RBM6: variants seen among roughly 807,000 people sequenced by gnomAD.
RBM6 encodes the protein RNA binding motif protein 6.
In RBM6, 23 loss-of-function variants were observed where a neutral mutation model predicts 140.4. That is an observed-to-expected ratio of 0.16 (90% CI 0.12 to 0.23). RBM6 has a LOEUF of 0.23. RBM6 is among the 10% of genes least tolerant of loss of function. The probability of loss-of-function intolerance (pLI) is 1.00; values close to 1 mark genes in which losing one functional copy is unlikely to be tolerated. For synonymous variants in RBM6, 439 were observed against 475.6 expected (o/e 0.92, Z 1.00); for missense variants, 1,139 against 1,386.7 (o/e 0.82, Z 2.84).
intron 19 of RBM6, among the ~76,000 whole-genome samples, chr3:50,071,315 A>T (rs1209484830): frequency 6.6e-6 from 1 of 152,196 alleles, no homozygotes; most frequent in Non-Finnish European, 1.5e-5. Flanking sequence ...TGAAGTTTAA[A>T]CACCTTGAAC....
chr3:50,003,999 G>A (rs1176028946), intron 6 of RBM6, among the ~76,000 whole-genome samples: 1 of 152,198 alleles, frequency 6.6e-6, no homozygotes, highest in Non-Finnish European at 1.5e-5. Flanking sequence ...GTGTGCCCTT[G>A]CACTGGGACT....
chr3:49,992,555 ATC>A, intron 5 of RBM6, among the ~76,000 whole-genome samples: 1 of 152,188 alleles, frequency 6.6e-6, no homozygotes. Flanking sequence ...AGGATTTATC[ATC>A]TTTGCTGCTT....
At chr3:50,071,136 C>T (rs1323648147) in intron 19 of RBM6, among the ~76,000 whole-genome samples, 1 of 152,156 alleles carries the variant, frequency 6.6e-6, no homozygotes, top group Non-Finnish European at 1.5e-5. Flanking sequence ...AGGGCAGACA[C>T]AGAAATCAGT....
intron 6 of RBM6, among the ~76,000 whole-genome samples, chr3:50,010,316 G>C (rs764961550): frequency 2.0e-5 from 3 of 152,170 alleles, no homozygotes; most frequent in Non-Finnish European, 2.9e-5. Flanking sequence ...TATTTCCAAA[G>C]GAAAATATGT....
At chr3:50,063,595 C>CA (rs531070691) in intron 15 of RBM6, among the ~76,000 whole-genome samples, 2,232 of 87,078 alleles carry the variant, frequency 0.026, 47 homozygotes, top group African/African-American at 0.075. Context: ...AGACTTGTCT[C>CA]AAAAAAAAAA....
intron 4 of RBM6, among the ~76,000 whole-genome samples, chr3:49,975,005 ATT>A (rs60771087): frequency 9.3e-5 from 13 of 139,068 alleles, no homozygotes; most frequent in Non-Finnish European, 9.4e-5. Context: ...CTAATTAAGA[ATT>A]TTTTTTTTTT....
At chr3:50,043,250 G>A (rs1467318413) in intron 6 of RBM6, among the ~76,000 whole-genome samples, 2 of 152,054 alleles carry the variant, frequency 1.3e-5, no homozygotes, top group African/African-American at 2.4e-5. Flanking sequence ...TCGGGAGGCC[G>A]AGGCAGGCGA....
chr3:50,022,872 G>T (rs1232985384), intron 6 of RBM6, among the ~76,000 whole-genome samples: 1 of 152,082 alleles, frequency 6.6e-6, no homozygotes, highest in African/African-American at 2.4e-5. Context: ...GCTGAGGTGG[G>T]CTGATCACTT....
At chr3:50,007,260 G>A (rs960869205) in intron 6 of RBM6, among the ~76,000 whole-genome samples, 2 of 149,478 alleles carry the variant, frequency 1.3e-5, no homozygotes, top group African/African-American at 2.5e-5. Context: ...GCAGTGGTGC[G>A]ATCTCGGCTC....
At chr3:50,059,388 C>T in intron 10 of RBM6, 1 of 262,154 alleles carries the variant, frequency 3.8e-6, no homozygotes, top group Non-Finnish European at 7.2e-6. Flanking sequence ...ATAATTGCAA[C>T]CTAAAAGAAG....
intron 6 of RBM6, among the ~76,000 whole-genome samples, chr3:50,021,508 C>T (rs1228979993): frequency 2.0e-5 from 3 of 152,012 alleles, no homozygotes; most frequent in Non-Finnish European, 4.4e-5. Context: ...GGTGTGGTGG[C>T]ACACGCCTGT....
At chr3:50,032,539 T>C (rs773585938) in intron 6 of RBM6, among the ~76,000 whole-genome samples, 14 of 150,804 alleles carry the variant, frequency 9.3e-5, no homozygotes, top group Non-Finnish European at 1.9e-4. Context: ...CAAATAGACA[T>C]TGGGAGACTA....
intron 20 of RBM6, 59 bp downstream of exon 20, chr3:50,075,389 C>G: frequency 6.3e-7 from 1 of 1,590,874 alleles, no homozygotes; most frequent in Non-Finnish European, 8.6e-7. Flanking sequence ...TTAACTTTCA[C>G]TTTCTGGCCT....
intron 6 of RBM6, among the ~76,000 whole-genome samples, chr3:50,035,138 A>G (rs982810761): frequency 3.3e-5 from 5 of 151,720 alleles, no homozygotes; most frequent in Non-Finnish European, 7.4e-5. Context: ...AGCAACTTCA[A>G]TTCTTGCCTC....
At chr3:50,076,082 C>T (rs2090450498) in intron 20 of RBM6, among the ~76,000 whole-genome samples, 1 of 151,866 alleles carries the variant, frequency 6.6e-6, no homozygotes, top group African/African-American at 2.4e-5. Flanking sequence ...AATTCTCCCA[C>T]CCCAACCTCC....
rs1355406968 is a variant in RBM6 at position 50,066,523 on chromosome 3, G to T, written c.2943+21G>T. On this transcript the variant is annotated intron_variant, in intron 17 of 20. Coordinates refer to ENST00000266022, the MANE Select transcript of RBM6 (RefSeq NM_005777.3). Reference sequence around the variant, plus strand: ...ACAAGGTATTAGGGGAAGGAGCTATGCCCTTTCAAACTGTTGACTCTTGGC... The same window carrying T: ...ACAAGGTATTAGGGGAAGGAGCTATTCCCTTTCAAACTGTTGACTCTTGGC... The T allele has an allele frequency of 2.5e-6, 4 of 1,605,094 alleles. No individual in the cohort carries two copies. The African/African-American group carries it at 5.3e-5, about 21-fold the overall frequency.
intron 15 of RBM6, among the ~76,000 whole-genome samples, chr3:50,062,560 TCACCTCTTATATC>T (rs2089981656): frequency 6.6e-6 from 1 of 151,234 alleles, no homozygotes; most frequent in African/African-American, 2.4e-5. Context: ...GGCAATTCCC[TCACCTCTTATATC>T]CCAACTCTCT....
At chr3:49,965,381 AC>A (rs751114165) in intron 2 of RBM6, among the ~76,000 whole-genome samples, 9 of 152,244 alleles carry the variant, frequency 5.9e-5, no homozygotes, top group Admixed American at 1.3e-4. Context: ...CCTAAGAAGA[AC>A]ATCTAGGGCG....
chr3:49,971,850 T>C (rs922893335), intron 3 of RBM6, among the ~76,000 whole-genome samples: 1 of 152,232 alleles, frequency 6.6e-6, no homozygotes. Context: ...TTGAAGACTC[T>C]TTCAGTGAGA....
Sources: gnomAD v4.1 joint callset for allele counts (sites outside exome capture counted in the v4.1 genomes callset) on GRCh38, gnomAD v4.1.1 for gene constraint, MANE v1.5 for transcripts, NCBI Gene and HGNC (gene_info 2026-07-23, HGNC 2026-07-21) for gene names.